The following CTNNA3 variants were observed in gnomAD, a reference collection of about 807,000 sequenced individuals.
CTNNA3 encodes the protein catenin alpha-3.
In CTNNA3, 76 loss-of-function variants were observed where a neutral mutation model predicts 95.7. That is an observed-to-expected ratio of 0.79 (90% CI 0.66 to 0.96). The LOEUF (loss-of-function observed/expected upper bound fraction) is 0.96, where lower values mean the gene tolerates loss of function less well. CTNNA3 is among the 40% of genes least tolerant of loss of function. The pLI is 0.00. For missense variants in CTNNA3, 1,191 were observed against 1,089.8 expected (o/e 1.09, Z -1.31); for synonymous variants, 431 against 374.4 (o/e 1.15, Z -1.74).
intron 5 of CTNNA3, among the ~76,000 whole-genome samples, chr10:67,429,321 A>G (rs1227445296): frequency 6.6e-6 from 1 of 152,080 alleles, no homozygotes; most frequent in African/African-American, 2.4e-5. Flanking sequence ...TATATTTTAC[A>G]TCTTTTTTAT....
intron 1 of CTNNA3, among the ~76,000 whole-genome samples, chr10:67,709,657 C>T (rs983799364): frequency 6.6e-6 from 1 of 151,860 alleles, no homozygotes; most frequent in Non-Finnish European, 1.5e-5. Flanking sequence ...GTTCCTCATC[C>T]ACCACCATTC....
intron 16 of CTNNA3, among the ~76,000 whole-genome samples, chr10:65,981,860 A>G (rs939116071): frequency 2.0e-5 from 3 of 151,952 alleles, no homozygotes; most frequent in Non-Finnish European, 2.9e-5. Flanking sequence ...GGTGAATGAA[A>G]GAATTAAATC....
At chr10:67,740,530 T>A (rs1191008461) in intron 1 of CTNNA3, among the ~76,000 whole-genome samples, 2 of 151,352 alleles carry the variant, frequency 1.3e-5, no homozygotes, top group African/African-American at 4.8e-5. Context: ...ACAGAAGACA[T>A]TTATGCGGCC....
chr10:67,499,298 G>A (rs982230903), intron 5 of CTNNA3, among the ~76,000 whole-genome samples: 3 of 152,266 alleles, frequency 2.0e-5, no homozygotes, highest in Non-Finnish European at 2.9e-5. Flanking sequence ...TGATCATGGT[G>A]GATAAGCTTT....
intron 7 of CTNNA3, among the ~76,000 whole-genome samples, chr10:67,064,622 G>A (rs1855960015): frequency 6.6e-6 from 1 of 152,044 alleles, no homozygotes; most frequent in South Asian, 2.1e-4. Flanking sequence ...TGTCAATAAG[G>A]TTATTCACAG....
At chr10:66,817,674 A>G (rs2132281603) in intron 7 of CTNNA3, among the ~76,000 whole-genome samples, 1 of 152,134 alleles carries the variant, frequency 6.6e-6, no homozygotes, top group East Asian at 1.9e-4. Context: ...ACTGACAAAG[A>G]AAATCTCAGG....
chr10:66,654,464 G>C (rs1846010305), intron 9 of CTNNA3, among the ~76,000 whole-genome samples: 1 of 152,080 alleles, frequency 6.6e-6, no homozygotes, highest in Non-Finnish European at 1.5e-5. Context: ...AAGTATTGGA[G>C]AGGATGTGGA....
At chr10:67,458,532 G>T (rs1847254288) in intron 5 of CTNNA3, among the ~76,000 whole-genome samples, 1 of 151,996 alleles carries the variant, frequency 6.6e-6, no homozygotes, top group South Asian at 2.1e-4. Context: ...AAGTAGAAAA[G>T]AAGATTCTAA....
chr10:66,956,137 C>T (rs1564792854), intron 7 of CTNNA3, among the ~76,000 whole-genome samples: 1 of 151,738 alleles, frequency 6.6e-6, no homozygotes, highest in Non-Finnish European at 1.5e-5. Context: ...GCTTGTTAGC[C>T]TTCATATTTC....
chr10:66,448,200 G>A (rs2131815313), intron 11 of CTNNA3, among the ~76,000 whole-genome samples: 1 of 152,220 alleles, frequency 6.6e-6, no homozygotes, highest in East Asian at 1.9e-4. Flanking sequence ...AGGATGTGGA[G>A]AAATAGGAAC....
At chr10:66,208,987 T>C (rs757918765) in intron 13 of CTNNA3, among the ~76,000 whole-genome samples, 11 of 152,106 alleles carry the variant, frequency 7.2e-5, no homozygotes, top group Non-Finnish European at 1.5e-4. Context: ...TATTTTATGG[T>C]ATATTTATAG....
At chr10:67,324,319 A>G (rs1841452222) in intron 5 of CTNNA3, among the ~76,000 whole-genome samples, 1 of 152,062 alleles carries the variant, frequency 6.6e-6, no homozygotes, top group African/African-American at 2.4e-5. Context: ...TTCAATGGGA[A>G]ATACTAGAAA....
intron 17 of CTNNA3, among the ~76,000 whole-genome samples, chr10:65,938,841 C>G (rs887572528): frequency 5.3e-5 from 8 of 151,812 alleles, no homozygotes; most frequent in African/African-American, 1.9e-4. Flanking sequence ...CCCACTAACA[C>G]AGCTGTCAAG....
At chr10:65,973,798 C>G (rs991456025) in intron 16 of CTNNA3, among the ~76,000 whole-genome samples, 5 of 152,012 alleles carry the variant, frequency 3.3e-5, no homozygotes, top group African/African-American at 1.2e-4. Context: ...TCTGATAATG[C>G]ACTATCCTGA....
At chr10:67,208,562 G>A (rs1864007128) in intron 6 of CTNNA3, among the ~76,000 whole-genome samples, 1 of 152,180 alleles carries the variant, frequency 6.6e-6, no homozygotes, top group East Asian at 1.9e-4. Context: ...GATATGCAAA[G>A]TATGAGACAA....
At chr10:66,244,781 AG>A (rs577015046) in intron 13 of CTNNA3, among the ~76,000 whole-genome samples, 18 of 152,212 alleles carry the variant, frequency 1.2e-4, no homozygotes, top group Non-Finnish European at 2.5e-4. Flanking sequence ...GGTACACACA[AG>A]GCAGACTGTG....
chr10:67,430,744 T>C (rs1459518925), intron 5 of CTNNA3, among the ~76,000 whole-genome samples: 1 of 150,558 alleles, frequency 6.6e-6, no homozygotes, highest in Non-Finnish European at 1.5e-5. Flanking sequence ...TAATGAAAGA[T>C]TAAAATACTG....
intron 1 of CTNNA3, among the ~76,000 whole-genome samples, chr10:67,712,520 C>A (rs944031319): frequency 2.6e-5 from 4 of 152,198 alleles, no homozygotes; most frequent in Admixed American, 6.5e-5. Context: ...TGCCTTGTGT[C>A]CCAGCTGCTC....
chr10:67,727,013 T>C (rs1212214428), intron 1 of CTNNA3, among the ~76,000 whole-genome samples: 1 of 116,046 alleles, frequency 8.6e-6, no homozygotes, highest in Non-Finnish European at 1.6e-5. Context: ...ATATGATACA[T>C]ATATGATATA....
Sources: gnomAD v4.1 joint callset for allele counts (sites outside exome capture counted in the v4.1 genomes callset) on GRCh38, gnomAD v4.1.1 for gene constraint, MANE v1.5 for transcripts, NCBI Gene and HGNC (gene_info 2026-07-23, HGNC 2026-07-21) for gene names.